NXPH1: variants seen among roughly 807,000 people sequenced by gnomAD.
NXPH1 encodes neurexophilin-1.
A neutral mutation model predicts 23.7 loss-of-function variants in NXPH1; 5 were observed. The ratio of observed to expected loss-of-function variants is 0.21; its 90% CI spans 0.11 to 0.44. The LOEUF is 0.44. Ranked by LOEUF, NXPH1 falls within the 20% of genes least tolerant of loss-of-function variation. The probability of loss-of-function intolerance (pLI) is 0.99; values close to 1 mark genes in which losing one functional copy is unlikely to be tolerated. For missense variants in NXPH1, 324 were observed against 321.6 expected, an observed-to-expected ratio of 1.01 and a Z score of -0.06; for synonymous variants, 144 against 122.2, an observed-to-expected ratio of 1.18 and a Z score of -1.18.
intron 2 of NXPH1, among the ~76,000 whole-genome samples, chr7:8,712,100 T>C (rs1479833778): frequency 1.3e-5 from 2 of 152,238 alleles, no homozygotes; most frequent in Non-Finnish European, 2.9e-5. Flanking sequence ...TTCACTGACA[T>C]GTGCTAATGT....
intron 2 of NXPH1, among the ~76,000 whole-genome samples, chr7:8,649,586 C>G (rs559777975): frequency 6.6e-6 from 1 of 152,214 alleles, no homozygotes; most frequent in East Asian, 1.9e-4. Context: ...CCTTTGGAGA[C>G]GCGTTCTTTC....
intron 2 of NXPH1, among the ~76,000 whole-genome samples, chr7:8,712,598 T>C (rs1040245947): frequency 1.4e-4 from 22 of 152,130 alleles, no homozygotes; most frequent in Admixed American, 1.4e-3. Context: ...AATGAAAACA[T>C]AAAAAATCCT....
chr7:8,544,896 CT>C (rs1373169344), intron 2 of NXPH1, among the ~76,000 whole-genome samples: 2 of 151,662 alleles, frequency 1.3e-5, no homozygotes, highest in East Asian at 3.9e-4. Flanking sequence ...GTCTTATCTT[CT>C]TTTATTTACT....
chr7:8,519,003 A>T (rs998673554), intron 2 of NXPH1, among the ~76,000 whole-genome samples: 3 of 151,780 alleles, frequency 2.0e-5, no homozygotes, highest in African/African-American at 7.3e-5. Flanking sequence ...TTGTATCTTT[A>T]TGTAAAGCAT....
chr7:8,485,196 G>T (rs1722914367), intron 2 of NXPH1, among the ~76,000 whole-genome samples: 2 of 152,150 alleles, frequency 1.3e-5, no homozygotes, highest in Non-Finnish European at 2.9e-5. Flanking sequence ...GAAATTTGAT[G>T]GTTTTATAAA....
At chr7:8,562,609 G>C (rs1818465900) in intron 2 of NXPH1, among the ~76,000 whole-genome samples, 1 of 151,016 alleles carries the variant, frequency 6.6e-6, no homozygotes, top group African/African-American at 2.4e-5. Flanking sequence ...TCCTGTGCTT[G>C]AGTGATGTTA....
At chr7:8,650,206 T>C (rs1481711201) in intron 2 of NXPH1, among the ~76,000 whole-genome samples, 3 of 152,218 alleles carry the variant, frequency 2.0e-5, no homozygotes, top group African/African-American at 7.2e-5. Context: ...TGATTTGAGA[T>C]TAAAATGAAT....
chr7:8,658,507 G>A (rs559114531), intron 2 of NXPH1, among the ~76,000 whole-genome samples: 2 of 152,272 alleles, frequency 1.3e-5, no homozygotes, highest in Admixed American at 6.5e-5. Context: ...GTTGATTTGT[G>A]CTTATGAAGT....
chr7:8,497,064 G>A (rs144121529), intron 2 of NXPH1, among the ~76,000 whole-genome samples: 485 of 152,080 alleles, frequency 3.2e-3, no homozygotes, highest in African/African-American at 0.011. Flanking sequence ...CCCTGTGTCC[G>A]AGTGTTCTCA....
intron 2 of NXPH1, among the ~76,000 whole-genome samples, chr7:8,510,155 G>A (rs1584201628): frequency 1.3e-5 from 2 of 152,140 alleles, no homozygotes; most frequent in South Asian, 4.1e-4. Context: ...ACCTAGTGGG[G>A]CTGAAAGCCA....
intron 2 of NXPH1, among the ~76,000 whole-genome samples, chr7:8,599,049 T>A (rs1473069388): frequency 1.3e-5 from 2 of 152,168 alleles, no homozygotes; most frequent in Non-Finnish European, 2.9e-5. Context: ...GGGACCCTCT[T>A]TAAAGGAGTT....
At chr7:8,537,008 A>G (rs1351990636) in intron 2 of NXPH1, among the ~76,000 whole-genome samples, 2 of 151,978 alleles carry the variant, frequency 1.3e-5, no homozygotes, top group Non-Finnish European at 1.5e-5. Flanking sequence ...ATACAGCTCT[A>G]TGTTCTGGGC....
At chr7:8,697,846 C>T (rs945230993) in intron 2 of NXPH1, among the ~76,000 whole-genome samples, 1 of 152,064 alleles carries the variant, frequency 6.6e-6, no homozygotes, top group Non-Finnish European at 1.5e-5. Context: ...GCAAGAGAGC[C>T]AGTGTGTTTG....
At chr7:8,475,907 A>G (rs1816962314) in intron 2 of NXPH1, among the ~76,000 whole-genome samples, 1 of 152,154 alleles carries the variant, frequency 6.6e-6, no homozygotes, top group Non-Finnish European at 1.5e-5. Flanking sequence ...TTTTAATTCC[A>G]GATAATACCC....
intron 2 of NXPH1, among the ~76,000 whole-genome samples, chr7:8,646,413 G>C (rs1461472724): frequency 6.6e-6 from 1 of 151,950 alleles, no homozygotes; most frequent in Non-Finnish European, 1.5e-5. Flanking sequence ...TGTACGTAAT[G>C]ACAATATTAT....
At chr7:8,461,693 G>A (rs969935505) in intron 2 of NXPH1, among the ~76,000 whole-genome samples, 9 of 150,646 alleles carry the variant, frequency 6.0e-5, no homozygotes, top group African/African-American at 7.3e-5. Flanking sequence ...AGCCGGGCGC[G>A]GTGGCGGGCG....
chr7:8,479,430 C>A (rs969157730), intron 2 of NXPH1, among the ~76,000 whole-genome samples: 4 of 152,014 alleles, frequency 2.6e-5, no homozygotes, highest in African/African-American at 9.7e-5. Flanking sequence ...AGATGTAATT[C>A]GGAAAGGGCT....
chr7:8,743,003 A>T (rs1198012595), intron 2 of NXPH1, among the ~76,000 whole-genome samples: 1 of 152,070 alleles, frequency 6.6e-6, no homozygotes, highest in Non-Finnish European at 1.5e-5. Context: ...ACAATGCCAT[A>T]TGTAAAGTGC....
intron 2 of NXPH1, among the ~76,000 whole-genome samples, chr7:8,460,764 A>G (rs890243742): frequency 2.0e-5 from 3 of 152,184 alleles, no homozygotes; most frequent in Non-Finnish European, 2.9e-5. Context: ...CTTGAGTGTG[A>G]ATCTCAGCAC....
Sources: allele counts gnomAD v4.1 joint callset (sites outside exome capture counted in the v4.1 genomes callset), GRCh38; gene constraint gnomAD v4.1.1; transcripts MANE v1.5; gene names NCBI Gene and HGNC (gene_info 2026-07-23, HGNC 2026-07-21).